PKN2: variants seen among roughly 807,000 people sequenced by gnomAD.
PKN2 encodes serine/threonine-protein kinase N2.
PKN2 carries 38 observed loss-of-function variants against 119.1 expected under a neutral mutation model. That is an observed-to-expected ratio of 0.32 (90% CI 0.25 to 0.42). The LOEUF is 0.42. Ranked by LOEUF, PKN2 falls within the 10% of genes least tolerant of loss-of-function variation. The pLI, the probability that PKN2 is intolerant of heterozygous loss-of-function variation, is 1.00. For synonymous variants in PKN2, 390 were observed against 384.9 expected (o/e 1.01, Z -0.15); for missense variants, 850 against 1,165.1 (o/e 0.73, Z 3.94).
chr1:88,737,666 G>A (rs1429958676), intron 1 of PKN2, among the ~76,000 whole-genome samples: 1 of 152,174 alleles, frequency 6.6e-6, no homozygotes, highest in Admixed American at 6.5e-5. Context: ...TTTCCACATA[G>A]TATCGGGATG....
intron 2 of PKN2, among the ~76,000 whole-genome samples, chr1:88,757,686 C>T (rs749476711): frequency 1.6e-4 from 24 of 151,886 alleles, no homozygotes; most frequent in Admixed American, 9.8e-4. Flanking sequence ...AGTAAAGGGA[C>T]CTGGTGTGGA....
At chr1:88,696,750 G>A (rs1666557598) in intron 1 of PKN2, among the ~76,000 whole-genome samples, 1 of 152,002 alleles carries the variant, frequency 6.6e-6, no homozygotes, top group Non-Finnish European at 1.5e-5. Context: ...GGGATTCTAG[G>A]TTGAGAATTC....
chr1:88,685,031 C>T, intron 1 of PKN2: 1 of 189,340 alleles, frequency 5.3e-6, no homozygotes, highest in Non-Finnish European at 1.1e-5. Flanking sequence ...TTCCTCCGTA[C>T]ACCGCTCCTT....
At chr1:88,744,079 A>G (rs2100750517) in intron 2 of PKN2, among the ~76,000 whole-genome samples, 1 of 150,560 alleles carries the variant, frequency 6.6e-6, no homozygotes, top group South Asian at 2.1e-4. Context: ...CCATTTTACT[A>G]ACTTAACAAT....
At chr1:88,820,180 C>CTATA (rs397980752) in intron 16 of PKN2, among the ~76,000 whole-genome samples, 36 of 70,700 alleles carry the variant, frequency 5.1e-4, no homozygotes, top group East Asian at 9.7e-4. Flanking sequence ...TTTCAGAAAC[C>CTATA]TATATATATA....
chr1:88,722,009 C>G (rs1174488332), intron 1 of PKN2, among the ~76,000 whole-genome samples: 1 of 152,182 alleles, frequency 6.6e-6, no homozygotes, highest in African/African-American at 2.4e-5. Flanking sequence ...GATTAAGGAA[C>G]AGTACTAGAC....
chr1:88,727,864 T>C (rs749094728), intron 1 of PKN2, among the ~76,000 whole-genome samples: 2 of 152,126 alleles, frequency 1.3e-5, no homozygotes, highest in Non-Finnish European at 2.9e-5. Context: ...AGATGGGAAG[T>C]CCAGATCCCC....
At position 88,684,931 on chromosome 1, in the gene PKN2, C is replaced by A. The variant is rs541384179; in HGVS notation, c.48+303C>A. 78 of 332,928 alleles carry A rather than the reference C, an allele frequency of 2.3e-4. 1 individual carries two copies. The South Asian group carries it at 4.9e-3, about 21-fold the overall frequency. 20.6% of individuals were successfully genotyped at this position (332,928 alleles called of 1,614,324 possible). ...TGCTCTCGCCTGGTCCCCGGAGAGG[C>A]CGGCCCGTCGCCCCCTCCCTCGGTG... On this transcript the variant is annotated intron_variant, in intron 1 of 21. Coordinates refer to ENST00000370521, the MANE Select transcript of PKN2 (RefSeq NM_006256.4).
intron 1 of PKN2, among the ~76,000 whole-genome samples, chr1:88,714,078 G>A (rs943051656): frequency 2.0e-5 from 3 of 152,158 alleles, no homozygotes; most frequent in African/African-American, 7.2e-5. Context: ...GTTTGTCAAA[G>A]ATCAGATGGT....
intron 1 of PKN2, among the ~76,000 whole-genome samples, chr1:88,698,480 C>G (rs1390212499): frequency 6.6e-6 from 1 of 152,176 alleles, no homozygotes; most frequent in African/African-American, 2.4e-5. Flanking sequence ...TTGGTGAAGT[C>G]AATTCTGGAA....
At chr1:88,792,005 T>C (rs1670860903) in intron 8 of PKN2, among the ~76,000 whole-genome samples, 1 of 152,202 alleles carries the variant, frequency 6.6e-6, no homozygotes, top group African/African-American at 2.4e-5. Context: ...TGTCTGACAC[T>C]GGGAGTATTG....
In PKN2 at chr1:88,781,044, T is replaced by TA. The variant is rs927108187; in HGVS notation, c.986-3589dup. 42 of 1,025,168 alleles carry TA rather than the reference T, an allele frequency of 4.1e-5. 1 individual carries two copies. Among genetic ancestry groups the TA allele is most frequent in the African/African-American group, 3.1e-4 (18 of 57,196 alleles). The allele number at this position is 1,025,168 out of a possible 1,614,324, so 63.5% of individuals were successfully genotyped here. A position where few individuals can be genotyped will look rare whatever the true frequency, so the allele number is the denominator to read the frequency against. Reference sequence around the variant, plus strand: ...TATCTTACAATTCTTAAGACATTTTTAAAAAATTCTTTAAGCTCCTACTGG... The same window carrying TA: ...TATCTTACAATTCTTAAGACATTTTTAAAAAAATTCTTTAAGCTCCTACTGG... On this transcript the variant is annotated intron_variant, in intron 6 of 21. Transcript: ENST00000370521.
At chr1:88,807,905 T>C in intron 15 of PKN2, 130 bp downstream of exon 15, 2 of 580,602 alleles carry the variant, frequency 3.4e-6, no homozygotes, top group Non-Finnish European at 6.0e-6. Flanking sequence ...AATGTATCTA[T>C]ATTTGACATA....
rs201081577 is a variant in PKN2, at chr1:88,731,310, A to T, written c.49-9678A>T. Reference sequence around the variant, plus strand: ...TGAGAGCACTTTCCTTTTGAGGCACAGAATGTTGGATTAGGATGAAATTAG... The same window carrying T: ...TGAGAGCACTTTCCTTTTGAGGCACTGAATGTTGGATTAGGATGAAATTAG... On this transcript the variant is annotated intron_variant, in intron 1 of 21. Coordinates refer to ENST00000370521, the MANE Select transcript of PKN2 (RefSeq NM_006256.4). 2.6e-5 allele frequency among the ~76,000 whole-genome samples: 4 copies of T among 152,258 alleles called. No individual in the cohort carries two copies. In the East Asian group the frequency reaches 5.8e-4, roughly 22 times the overall value.
At chr1:88,699,696 C>T (rs559208271) in intron 1 of PKN2, among the ~76,000 whole-genome samples, 1 of 152,212 alleles carries the variant, frequency 6.6e-6, no homozygotes, top group South Asian at 2.1e-4. Context: ...TTTGTTCTTG[C>T]TTTAGTTTGC....
At chr1:88,823,676 C>G (rs1672381972) in intron 17 of PKN2, among the ~76,000 whole-genome samples, 2 of 145,500 alleles carry the variant, frequency 1.4e-5, no homozygotes, top group Non-Finnish European at 3.0e-5. Flanking sequence ...TGCTCTCCAG[C>G]CTGGGTGACA....
At chr1:88,788,391 G>A (rs1387437309) in intron 8 of PKN2, among the ~76,000 whole-genome samples, 4 of 152,016 alleles carry the variant, frequency 2.6e-5, no homozygotes, top group East Asian at 1.9e-4. Context: ...TACAAACTAA[G>A]GAAATTATGG....
intron 12 of PKN2, among the ~76,000 whole-genome samples, chr1:88,806,450 A>G (rs1570659659): frequency 6.6e-6 from 1 of 152,226 alleles, no homozygotes; most frequent in East Asian, 1.9e-4. Context: ...GATTACAGGC[A>G]TGAGCCACTG....
Position 88,699,355 on chromosome 1 carries a change from TG to T in PKN2, c.48+14728del, listed in dbSNP as rs1200596262. Among the ~76,000 whole-genome samples, 10 of 152,322 alleles carry T rather than the reference TG, an allele frequency of 6.6e-5. No homozygotes were observed. In the East Asian group the frequency reaches 9.6e-4, roughly 15 times the overall value. ...TGTATTTTTAATTATATAAGTATCT[TG>T]TTTTTTTTGCGTATAGGCTAGAATT... On this transcript the variant is annotated intron_variant, in intron 1 of 21. Coordinates refer to ENST00000370521, the MANE Select transcript of PKN2 (RefSeq NM_006256.4).
Sources: allele counts gnomAD v4.1 joint callset (sites outside exome capture counted in the v4.1 genomes callset), GRCh38; gene constraint gnomAD v4.1.1; transcripts MANE v1.5; gene names NCBI Gene and HGNC (gene_info 2026-07-23, HGNC 2026-07-21).